The following MGAT5 variants were observed in gnomAD, a reference collection of about 807,000 sequenced individuals.
The protein encoded by MGAT5 is alpha-1,6-mannosylglycoprotein 6-beta-N-acetylglucosaminyltransferase A.
Under a neutral mutation model 94.3 loss-of-function variants are expected in MGAT5, and 30 were observed. That is an observed-to-expected ratio of 0.32 (90% CI 0.24 to 0.43). The LOEUF is 0.43. MGAT5 is among the 20% of genes least tolerant of loss of function. MGAT5 has a pLI of 1.00. For synonymous variants in MGAT5, 310 were observed against 322.9 expected (o/e 0.96, Z 0.43); for missense variants, 691 against 905.5 (o/e 0.76, Z 3.04).
intron 1 of MGAT5, among the ~76,000 whole-genome samples, chr2:134,159,808 G>A (rs1419871027): frequency 6.6e-6 from 1 of 152,210 alleles, no homozygotes; most frequent in East Asian, 1.9e-4. Context: ...TGCCTCAATA[G>A]TGGGGGTATG....
chr2:134,232,100 C>CCTT (rs397756804), intron 1 of MGAT5, among the ~76,000 whole-genome samples: 9 of 150,616 alleles, frequency 6.0e-5, no homozygotes, highest in African/African-American at 2.2e-4. Context: ...TCCTCCTCCT[C>CCTT]GTCTTCCCTC....
At chr2:134,161,609 GT>G (rs1232639207) in intron 1 of MGAT5, among the ~76,000 whole-genome samples, 1 of 152,146 alleles carries the variant, frequency 6.6e-6, no homozygotes, top group Non-Finnish European at 1.5e-5. Flanking sequence ...TCCTGGTGTG[GT>G]CTGGAAGAAT....
intron 10 of MGAT5, among the ~76,000 whole-genome samples, chr2:134,381,566 G>A (rs570515611): frequency 1.3e-5 from 2 of 150,376 alleles, no homozygotes; most frequent in Non-Finnish European, 2.9e-5. Context: ...TAGCACTACA[G>A]CCTGGGCAAC....
intron 1 of MGAT5, among the ~76,000 whole-genome samples, chr2:134,145,167 C>T (rs549095644): frequency 1.0e-3 from 159 of 151,788 alleles, no homozygotes; most frequent in Non-Finnish European, 1.9e-3. Flanking sequence ...TTTCCCCTTC[C>T]TTCCAAGGAA....
At chr2:134,203,876 AT>A (rs1229224262) in intron 1 of MGAT5, among the ~76,000 whole-genome samples, 9 of 152,164 alleles carry the variant, frequency 5.9e-5, no homozygotes, top group African/African-American at 2.2e-4. Flanking sequence ...CTCTCTGGAC[AT>A]TCATTTCTTC....
rs34688054 is a variant in MGAT5, at chr2:134,330,554, AGTGTGTGTGT to A, written c.574-5642_574-5633del. Among the ~76,000 whole-genome samples, 8 of 148,596 alleles carry A rather than the reference AGTGTGTGTGT, an allele frequency of 5.4e-5. No homozygotes were observed. The East Asian group carries it at 1.2e-3, about 22-fold the overall frequency. On this transcript the variant is annotated intron_variant, in intron 4 of 15. Coordinates refer to ENST00000281923, the MANE Select transcript of MGAT5 (RefSeq NM_002410.5). ...GGCCCTATGGGGAATTAAATTGTGT[AGTGTGTGTGT>A]GTGTGTGTGTGTGTGTGTGTTACGA...
chr2:134,427,113 A>C (rs897510439), intron 13 of MGAT5, among the ~76,000 whole-genome samples: 4 of 152,244 alleles, frequency 2.6e-5, no homozygotes, highest in African/African-American at 9.6e-5. Flanking sequence ...TTGGCTGCCA[A>C]CTAAGGAATG....
chr2:134,326,079 A>G (rs898892378), intron 4 of MGAT5, among the ~76,000 whole-genome samples: 1 of 147,060 alleles, frequency 6.8e-6, no homozygotes, highest in Admixed American at 6.9e-5. Flanking sequence ...GATGTTAGCA[A>G]TCATTGATCA....
chr2:134,281,856 T>C (rs1252448061), intron 2 of MGAT5, among the ~76,000 whole-genome samples: 1 of 152,246 alleles, frequency 6.6e-6, no homozygotes, highest in Non-Finnish European at 1.5e-5. Flanking sequence ...GTACAAGTTA[T>C]AGCAAGATTT....
intron 10 of MGAT5, among the ~76,000 whole-genome samples, chr2:134,380,210 CAT>C (rs1681446724): frequency 6.6e-6 from 1 of 152,176 alleles, no homozygotes; most frequent in Admixed American, 6.5e-5. Context: ...TCCTGAATTT[CAT>C]ATGTTAAACA....
chr2:134,244,529 A>G (rs1682135104), intron 1 of MGAT5, among the ~76,000 whole-genome samples: 1 of 152,156 alleles, frequency 6.6e-6, no homozygotes, highest in African/African-American at 2.4e-5. Context: ...TTTATCAGTC[A>G]CCTTGAGACA....
intron 5 of MGAT5, 52 bp from the exon 6 acceptor site, chr2:134,338,207 A>G: frequency 7.6e-6 from 11 of 1,454,926 alleles, no homozygotes; most frequent in Non-Finnish European, 1.0e-5. Flanking sequence ...GAAAACTATT[A>G]TGCTTTCTGA....
At chr2:134,432,963 C>T (rs1684964395) in intron 14 of MGAT5, among the ~76,000 whole-genome samples, 1 of 152,158 alleles carries the variant, frequency 6.6e-6, no homozygotes, top group Non-Finnish European at 1.5e-5. Context: ...AAGTTCACTG[C>T]ATATAAGGAC....
At chr2:134,175,075 C>T (rs1213941653) in intron 1 of MGAT5, among the ~76,000 whole-genome samples, 1 of 152,216 alleles carries the variant, frequency 6.6e-6, no homozygotes, top group Non-Finnish European at 1.5e-5. Context: ...CCCATATCTC[C>T]CTACCAGGGA....
At chr2:134,301,161 C>T (rs4954130) in intron 2 of MGAT5, among the ~76,000 whole-genome samples, 31,493 of 152,066 alleles carry the variant, frequency 0.21, 4,420 homozygotes, top group Non-Finnish European at 0.29. Context: ...CTCAGCATAG[C>T]GTTTTCAAGA....
In MGAT5 at chr2:134,254,540, T is replaced by C. The variant is rs763840693; in HGVS notation, c.137T>C (p.Leu46Pro). 1.5e-5 allele frequency: 25 copies of C among 1,614,102 alleles called. 1 individual carries two copies. The Admixed American group carries it at 2.0e-4, about 13-fold the overall frequency. ...QRTQPESSSM[L>P]REQILDLSKR... ...ACTCAGCCTGAAAGCAGCTCCATGC[T>C]GCGCGAGCAGATCCTGGACCTCAGC... is the stretch of plus-strand genomic sequence containing the variant. Residue 46 changes from leucine (L) to proline (P), a missense_variant, in exon 1 of 16, where the codon CTG (leucine) becomes CCG (proline). By Grantham distance (98) the Leu-to-Pro change is moderately conservative. Around this residue, in one of 4 missense-constraint regions of MGAT5, gnomAD observed 307 missense variants for 335.4 expected, o/e 0.92. Transcript: ENST00000281923.
At chr2:134,369,671 G>A (rs1680657152) in intron 10 of MGAT5, among the ~76,000 whole-genome samples, 1 of 151,472 alleles carries the variant, frequency 6.6e-6, no homozygotes, top group Non-Finnish European at 1.5e-5. Context: ...GGGGAGAGGA[G>A]GAGAGATGGA....
At chr2:134,345,108 C>G (rs753374669) in intron 8 of MGAT5, 44 bp downstream of exon 8, 1 of 1,584,766 alleles carries the variant, frequency 6.3e-7, no homozygotes, top group South Asian at 1.1e-5. Context: ...TTTTTCCCCT[C>G]CTTAACAAAG....
intron 1 of MGAT5, among the ~76,000 whole-genome samples, chr2:134,216,716 A>G (rs77499172): frequency 0.02 from 3,014 of 152,286 alleles, 110 homozygotes; most frequent in African/African-American, 0.068. Flanking sequence ...TTTGGTATCA[A>G]TTTTTATGCT....
Sources: allele counts gnomAD v4.1 joint callset (sites outside exome capture counted in the v4.1 genomes callset), GRCh38; gene constraint gnomAD v4.1.1; regional missense constraint gnomAD v4.1.1; transcripts MANE v1.5; gene names NCBI Gene and HGNC (gene_info 2026-07-23, HGNC 2026-07-21).